Variants in WLS observed in about 807,000 individuals in gnomAD.
WLS encodes the protein Wnt ligand secretion mediator.
WLS carries 23 observed loss-of-function variants against 62.8 expected under a neutral mutation model. The ratio of observed to expected loss-of-function variants is 0.37; its 90% confidence interval spans 0.26 to 0.52. WLS has a LOEUF of 0.52. Among genes scored for constraint, WLS ranks in the 20% least tolerant of loss-of-function variants. The pLI is 0.92. For synonymous variants in WLS, 246 were observed against 244.1 expected (o/e 1.01, Z -0.07); for missense variants, 615 against 697.3 (o/e 0.88, Z 1.33).
At chr1:68,198,435 G>A (rs1374607532) in intron 1 of WLS, among the ~76,000 whole-genome samples, 2 of 152,188 alleles carry the variant, frequency 1.3e-5, no homozygotes, top group Non-Finnish European at 2.9e-5. Context: ...ATTGTGAAAT[G>A]TGATTCTATA....
At chr1:68,141,248 TCA>T (rs1263025251) in intron 10 of WLS, among the ~76,000 whole-genome samples, 1 of 151,978 alleles carries the variant, frequency 6.6e-6, no homozygotes, top group African/African-American at 2.4e-5. Flanking sequence ...AATGAAGTGA[TCA>T]CACACACACA....
At chr1:68,117,935 C>T (rs144566914) in intron 11 of WLS, among the ~76,000 whole-genome samples, 7 of 151,858 alleles carry the variant, frequency 4.6e-5, no homozygotes, top group African/African-American at 1.7e-4. Flanking sequence ...TTTAATTGGT[C>T]TTCCAGCTGG....
Position 68,179,654 on chromosome 1 carries a change from A to G in WLS, c.379+14301T>C, listed in dbSNP as rs146694401. Among the ~76,000 whole-genome samples, 510 of 152,314 alleles carry G rather than the reference A, an allele frequency of 3.3e-3. 1 individual carries two copies. Among genetic ancestry groups the G allele is most frequent in the African/African-American group, 0.011 (475 of 41,584 alleles). Reference sequence around the variant, plus strand: ...AAATCAAGGGCAGAAAATGCTGAGAAGCTGGAGGGTCTGAAACCAGGAATA... The same window carrying G: ...AAATCAAGGGCAGAAAATGCTGAGAGGCTGGAGGGTCTGAAACCAGGAATA... On this transcript the variant is annotated intron_variant, in intron 2 of 11. Transcript: ENST00000262348.
downstream of WLS, among the ~76,000 whole-genome samples, chr1:68,123,547 CAA>C (rs67486169): frequency 0.033 from 5,060 of 152,082 alleles, 85 homozygotes; most frequent in Middle Eastern, 0.11. Flanking sequence ...CTCATTTCCT[CAA>C]AGAGATGGCT....
Position 68,165,211 on chromosome 1 carries a change from C to T in WLS, c.380-5964G>A, listed in dbSNP as rs961559676. Among the ~76,000 whole-genome samples, 3 of 152,160 alleles carry T rather than the reference C, an allele frequency of 2.0e-5. No individual in the cohort carries two copies. In the East Asian group the frequency reaches 5.8e-4, roughly 29 times the overall value. Reference sequence around the variant, plus strand: ...TTACAAATTACTCACAGGTTGTTCTCCTTGGAGCCATAGGGTTCAGAGCAA... The same window carrying T: ...TTACAAATTACTCACAGGTTGTTCTTCTTGGAGCCATAGGGTTCAGAGCAA... On this transcript the variant is annotated intron_variant, in intron 2 of 11. Transcript: ENST00000262348.
intron 1 of WLS, among the ~76,000 whole-genome samples, chr1:68,196,658 G>A (rs1648676033): frequency 6.6e-6 from 1 of 152,098 alleles, no homozygotes; most frequent in African/African-American, 2.4e-5. Flanking sequence ...TTAGGACAAT[G>A]CCTATTAATA....
At chr1:68,134,668 A>G (rs938178667) in intron 11 of WLS, among the ~76,000 whole-genome samples, 4 of 152,218 alleles carry the variant, frequency 2.6e-5, no homozygotes, top group Non-Finnish European at 5.9e-5. Context: ...TCACAAACCA[A>G]AACAACTGTG....
chr1:68,217,287 T>C (rs114437140), intron 1 of WLS, among the ~76,000 whole-genome samples: 2,093 of 152,326 alleles, frequency 0.014, 23 homozygotes, highest in South Asian at 0.045. Flanking sequence ...CATGTGGTGT[T>C]AACTTCTCCC....
chr1:68,111,059 A>G (rs570779115), intron 11 of WLS, among the ~76,000 whole-genome samples: 1 of 152,260 alleles, frequency 6.6e-6, no homozygotes, highest in East Asian at 1.9e-4. Flanking sequence ...ATCATCAAAG[A>G]TACCATAAAT....
intron 11 of WLS, among the ~76,000 whole-genome samples, chr1:68,119,550 T>G (rs1015430070): frequency 6.6e-6 from 1 of 152,174 alleles, no homozygotes; most frequent in African/African-American, 2.4e-5. Context: ...GTGGAGTGGC[T>G]CTCTCTCACA....
chr1:68,132,608 T>C (rs1410892701), intron 11 of WLS, among the ~76,000 whole-genome samples: 1 of 152,002 alleles, frequency 6.6e-6, no homozygotes, highest in Non-Finnish European at 1.5e-5. Context: ...CCGCTTTTGC[T>C]CCCCGCAGAG....
intron 5 of WLS, among the ~76,000 whole-genome samples, chr1:68,151,791 G>A (rs1162896905): frequency 2.0e-5 from 3 of 152,138 alleles, no homozygotes; most frequent in Non-Finnish European, 2.9e-5. Flanking sequence ...TCATCAAGGG[G>A]CTTATAGGTC....
At chr1:68,119,804 C>T (rs899883787) in intron 11 of WLS, among the ~76,000 whole-genome samples, 1 of 152,212 alleles carries the variant, frequency 6.6e-6, no homozygotes, top group African/African-American at 2.4e-5. Flanking sequence ...AAAATCCTGC[C>T]CACTCCGTGT....
chr1:68,165,505 G>A (rs952502322), intron 2 of WLS, among the ~76,000 whole-genome samples: 13 of 152,060 alleles, frequency 8.5e-5, no homozygotes, highest in African/African-American at 2.7e-4. Context: ...CTCTTTCCAG[G>A]TCTGGCTTCC....
chr1:68,134,682 A>G (rs777282245), intron 11 of WLS, among the ~76,000 whole-genome samples: 4 of 152,232 alleles, frequency 2.6e-5, no homozygotes, highest in Non-Finnish European at 5.9e-5. Flanking sequence ...AACTGTGAAC[A>G]TTTAAAAACA....
chr1:68,218,825 G>A lies in WLS; in HGVS notation c.106+13369C>T, dbSNP rs572640710. Among the ~76,000 whole-genome samples the A allele has an allele frequency of 2.4e-4, 37 of 152,266 alleles. 1 individual carries two copies. In the South Asian group the frequency reaches 6.2e-3, roughly 26 times the overall value. On this transcript the variant is annotated intron_variant, in intron 1 of 11. Transcript: ENST00000262348. ...AAGCTGAAGACAGTGGAATGCAGAG[G>A]TAGTTACTTGAATGAACTATATTTT...
intron 1 of WLS, among the ~76,000 whole-genome samples, chr1:68,197,231 G>A (rs539315009): frequency 2.3e-3 from 344 of 152,104 alleles, no homozygotes; most frequent in African/African-American, 7.0e-3. Flanking sequence ...CACAAAGTCC[G>A]CATTTTTAAT....
intron 10 of WLS, among the ~76,000 whole-genome samples, chr1:68,140,052 A>T (rs979009972): frequency 6.6e-6 from 1 of 152,252 alleles, no homozygotes; most frequent in Non-Finnish European, 1.5e-5. Context: ...GGATAAGCAT[A>T]TTTATTCAAT....
At chr1:68,214,346 G>A (rs1649644818) in intron 1 of WLS, among the ~76,000 whole-genome samples, 1 of 150,412 alleles carries the variant, frequency 6.6e-6, no homozygotes, top group Non-Finnish European at 1.5e-5. Flanking sequence ...CTGCAATGCA[G>A]CAGTGGCCTC....
Sources: allele counts gnomAD v4.1 joint callset (sites outside exome capture counted in the v4.1 genomes callset), GRCh38; gene constraint gnomAD v4.1.1; transcripts MANE v1.5; gene names NCBI Gene and HGNC (gene_info 2026-07-23, HGNC 2026-07-21).